LPP: variants seen among roughly 807,000 people sequenced by gnomAD.
LPP encodes the protein LIM domain containing preferred translocation partner in lipoma.
A neutral mutation model predicts 60.4 loss-of-function variants in LPP; 38 were observed. That is an observed-to-expected ratio of 0.63 (90% CI 0.49 to 0.83). The LOEUF (loss-of-function observed/expected upper bound fraction) is 0.83. LPP is among the 40% of genes least tolerant of loss of function. The pLI is 0.00. For synonymous variants in LPP, 328 were observed against 290.8 expected, an observed-to-expected ratio of 1.13 and a Z score of -1.30; for missense variants, 902 against 783.6, an observed-to-expected ratio of 1.15 and a Z score of -1.80.
chr3:188,267,240 T>G (rs568625055), intron 2 of LPP, among the ~76,000 whole-genome samples: 1 of 152,334 alleles, frequency 6.6e-6, no homozygotes, highest in East Asian at 1.9e-4. Flanking sequence ...GAGGCTCAGC[T>G]GACCTCGCTC....
At chr3:188,510,820 G>C (rs1815241695) in intron 5 of LPP, among the ~76,000 whole-genome samples, 1 of 152,074 alleles carries the variant, frequency 6.6e-6, no homozygotes. Context: ...CTCCATTTAA[G>C]GCCTTCTCAA....
chr3:188,794,272 C>T (rs940305429), intron 9 of LPP, among the ~76,000 whole-genome samples: 2 of 152,198 alleles, frequency 1.3e-5, no homozygotes, highest in Admixed American at 1.3e-4. Flanking sequence ...AAGTGAGGCC[C>T]AGACATGGGC....
intron 4 of LPP, among the ~76,000 whole-genome samples, chr3:188,410,851 G>T (rs1169279430): frequency 6.6e-6 from 1 of 152,126 alleles, no homozygotes; most frequent in Non-Finnish European, 1.5e-5. Flanking sequence ...TGCCCGAGCA[G>T]TGTACACTGT....
At chr3:188,556,819 C>T (rs187310810) in intron 6 of LPP, among the ~76,000 whole-genome samples, 1 of 151,996 alleles carries the variant, frequency 6.6e-6, no homozygotes, top group East Asian at 1.9e-4. Context: ...TGACATTTCA[C>T]CTTCAAGGTC....
chr3:188,195,433 C>T (rs140377174), intron 1 of LPP, among the ~76,000 whole-genome samples: 1,947 of 152,204 alleles, frequency 0.013, 22 homozygotes, highest in South Asian at 0.03. Flanking sequence ...ATAAAGAGAA[C>T]GAAGCCGTAG....
intron 5 of LPP, among the ~76,000 whole-genome samples, chr3:188,487,257 T>G (rs1054214751): frequency 1.3e-5 from 2 of 152,204 alleles, no homozygotes; most frequent in African/African-American, 2.4e-5. Context: ...AGTATTAAAC[T>G]GAAAGGGCTA....
At chr3:188,417,991 AT>A (rs762985313) in intron 4 of LPP, among the ~76,000 whole-genome samples, 2 of 152,286 alleles carry the variant, frequency 1.3e-5, no homozygotes, top group Non-Finnish European at 2.9e-5. Flanking sequence ...GAAGGATTTT[AT>A]TGTGAAATGT....
At chr3:188,241,274 T>A (rs560038406) in intron 2 of LPP, among the ~76,000 whole-genome samples, 1 of 152,342 alleles carries the variant, frequency 6.6e-6, no homozygotes, top group East Asian at 1.9e-4. Flanking sequence ...GTACATGCTG[T>A]ACGTTTCTCC....
chr3:188,543,203 G>T (rs1327794276), intron 6 of LPP, among the ~76,000 whole-genome samples: 1 of 152,270 alleles, frequency 6.6e-6, no homozygotes, highest in African/African-American at 2.4e-5. Context: ...AGAGATGTTG[G>T]TGGATTGGGG....
chr3:188,533,544 G>C (rs1822766852), intron 6 of LPP, among the ~76,000 whole-genome samples: 1 of 152,328 alleles, frequency 6.6e-6, no homozygotes, highest in African/African-American at 2.4e-5. Context: ...AAATAGATTT[G>C]TCTATGTATT....
At chr3:188,260,093 G>A (rs1015881919) in intron 2 of LPP, among the ~76,000 whole-genome samples, 31 of 151,818 alleles carry the variant, frequency 2.0e-4, no homozygotes, top group Admixed American at 1.8e-3. Context: ...TGTCACCCAG[G>A]CAGTGGCACG....
intron 9 of LPP, among the ~76,000 whole-genome samples, chr3:188,817,509 G>T (rs1752782637): frequency 6.6e-6 from 1 of 152,164 alleles, no homozygotes; most frequent in South Asian, 2.1e-4. Context: ...CTCTTCTGCA[G>T]CTGTTTCAAT....
chr3:188,861,137 G>T (rs1239787871), intron 9 of LPP, among the ~76,000 whole-genome samples: 2 of 152,094 alleles, frequency 1.3e-5, no homozygotes, highest in Non-Finnish European at 2.9e-5. Context: ...TGCTTTTTTT[G>T]ATAAATTGTT....
Position 188,415,224 on chromosome 3 carries a change from CAGAG to C in LPP, c.193+8914_193+8917del, listed in dbSNP as rs373900967. ...TTGCTTTTTTGATAATAAAAATAAACAGAGAGCCACAAAGAGATATCACCACACA... is the reference window on the plus strand; with the variant it reads ...TTGCTTTTTTGATAATAAAAATAAACAGCCACAAAGAGATATCACCACACA... On this transcript the variant is annotated intron_variant, in intron 4 of 11. Transcript: ENST00000617246. Among the ~76,000 whole-genome samples the C allele has an allele frequency of 2.0e-4, 30 of 152,036 alleles. 1 individual carries two copies. The East Asian group carries it at 5.4e-3, about 27-fold the overall frequency.
At chr3:188,486,168 G>A (rs1233638782) in intron 5 of LPP, among the ~76,000 whole-genome samples, 3 of 152,040 alleles carry the variant, frequency 2.0e-5, no homozygotes, top group Admixed American at 1.3e-4. Flanking sequence ...AATAAGAAGT[G>A]TAAAAGAGAA....
Position 188,807,482 on chromosome 3 carries a change from A to C in LPP, c.1410+47200A>C, listed in dbSNP as rs796889912. Among the ~76,000 whole-genome samples, 3 of 150,936 alleles carry C rather than the reference A, an allele frequency of 2.0e-5. No individual in the cohort carries two copies. In the South Asian group the frequency reaches 6.3e-4, roughly 32 times the overall value. ...TGGTTTGTTGCCTTCATTCTTTTAT[A>C]TTTTCTCTTTGGAGTTCTAACTACA... On this transcript the variant is annotated intron_variant, in intron 9 of 11. Coordinates refer to ENST00000617246, the MANE Select transcript of LPP (RefSeq NM_001375462.1).
At chr3:188,535,885 A>G (rs1379348118) in intron 6 of LPP, among the ~76,000 whole-genome samples, 3 of 152,188 alleles carry the variant, frequency 2.0e-5, no homozygotes, top group African/African-American at 7.2e-5. Flanking sequence ...GACCAATATG[A>G]TAAATTCCTT....
intron 7 of LPP, among the ~76,000 whole-genome samples, chr3:188,707,009 A>G (rs1313795406): frequency 1.3e-5 from 2 of 152,220 alleles, no homozygotes; most frequent in Non-Finnish European, 2.9e-5. Flanking sequence ...TTAATCACAT[A>G]GCACAAAGCT....
In LPP at chr3:188,314,284, T is replaced by C. The variant is rs565610493; in HGVS notation, c.-66-27379T>C. On this transcript the variant is annotated intron_variant, in intron 2 of 11. Transcript: ENST00000617246. The stretch of plus-strand genomic sequence containing the variant: ...TGAAAAGTATCCACACTTATTTTGA[T>C]AGTGTTGTTATTGTTGTTGTTTTAA... 1.4e-4 allele frequency among the ~76,000 whole-genome samples: 21 copies of C among 152,242 alleles called. No homozygotes were observed. In the South Asian group the frequency reaches 3.9e-3, roughly 29 times the overall value.
Sources: gnomAD v4.1 joint callset for allele counts (sites outside exome capture counted in the v4.1 genomes callset) on GRCh38, gnomAD v4.1.1 for gene constraint, MANE v1.5 for transcripts, NCBI Gene and HGNC (gene_info 2026-07-23, HGNC 2026-07-21) for gene names.